CR2: variants seen among roughly 807,000 people sequenced by gnomAD.
CR2 encodes the protein complement receptor type 2.
A neutral mutation model predicts 123.0 loss-of-function variants in CR2; 96 were observed. The observed-to-expected ratio is 0.78, with a 90% CI of 0.66 to 0.93. The LOEUF (loss-of-function observed/expected upper bound fraction) is 0.93. Ranked by LOEUF, CR2 falls within the 40% of genes least tolerant of loss-of-function variation. The pLI, the probability that CR2 is intolerant of heterozygous loss-of-function variation, is 0.00. For missense variants in CR2, 1,258 were observed against 1,361.0 expected, an observed-to-expected ratio of 0.92 and a Z score of 1.19; for synonymous variants, 484 against 469.5, an observed-to-expected ratio of 1.03 and a Z score of -0.40.
chr1:207,477,168 A>T (rs1434931804), intron 15 of CR2, among the ~76,000 whole-genome samples: 2 of 152,234 alleles, frequency 1.3e-5, no homozygotes, highest in Non-Finnish European at 2.9e-5. Flanking sequence ...AAGGAAAGAG[A>T]TTTAATGGAC....
chr1:207,482,906 G>A (rs1266995570), intron 18 of CR2, among the ~76,000 whole-genome samples: 2 of 151,354 alleles, frequency 1.3e-5, no homozygotes, highest in Non-Finnish European at 2.9e-5. Flanking sequence ...GTGTGTGTGT[G>A]ATGGTGATTG....
intron 3 of CR2, 42 bp downstream of exon 3, chr1:207,468,757 C>T: frequency 6.2e-7 from 1 of 1,613,692 alleles, no homozygotes; most frequent in Non-Finnish European, 8.5e-7. Context: ...CTGGGCTGTT[C>T]TGTTATTTGC....
intron 5 of CR2, 24 bp from the exon 6 acceptor site, chr1:207,469,671 C>T (rs373107993): frequency 3.1e-6 from 5 of 1,609,462 alleles, no homozygotes; most frequent in Non-Finnish European, 4.3e-6. Flanking sequence ...ATGATCTTGT[C>T]ATTTCTTTCT....
At chr1:207,486,737 T>A (rs951480409) in intron 19 of CR2, among the ~76,000 whole-genome samples, 41 of 152,186 alleles carry the variant, frequency 2.7e-4, no homozygotes, top group African/African-American at 9.7e-4. Context: ...GTGGATAGTT[T>A]GTATCAGAAT....
chr1:207,475,593 G>T (rs1658414763), intron 14 of CR2, among the ~76,000 whole-genome samples: 1 of 152,180 alleles, frequency 6.6e-6, no homozygotes, highest in Non-Finnish European at 1.5e-5. Flanking sequence ...AGAACTTTGG[G>T]TGTTCTGGAG....
At chr1:207,457,113 C>G (rs1572944321) in intron 1 of CR2, among the ~76,000 whole-genome samples, 1 of 152,140 alleles carries the variant, frequency 6.6e-6, no homozygotes, top group African/African-American at 2.4e-5. Flanking sequence ...ATTTATGTAC[C>G]TGTTTGTTGT....
chr1:207,461,248 C>T (rs1169781780), intron 1 of CR2, among the ~76,000 whole-genome samples: 1 of 152,088 alleles, frequency 6.6e-6, no homozygotes, highest in African/African-American at 2.4e-5. Context: ...CATGCCTTTC[C>T]TGTTTTCCCC....
chr1:207,480,975 A>C (rs1398154452), intron 18 of CR2, among the ~76,000 whole-genome samples: 1 of 152,016 alleles, frequency 6.6e-6, no homozygotes, highest in Non-Finnish European at 1.5e-5. Flanking sequence ...AGAAATTGGC[A>C]TCTTTTCTGT....
chr1:207,478,542 A>G (rs1028634699), intron 16 of CR2, among the ~76,000 whole-genome samples: 18 of 150,134 alleles, frequency 1.2e-4, no homozygotes, highest in Non-Finnish European at 1.9e-4. Flanking sequence ...AAAAAAAAAA[A>G]AAAAAGAAAG....
At chr1:207,478,099 G>A in intron 16 of CR2, 29 bp downstream of exon 16, 1 of 1,607,282 alleles carries the variant, frequency 6.2e-7, no homozygotes, top group East Asian at 2.2e-5. Context: ...ACCGCCGCTT[G>A]TAACTGGCTA....
chr1:207,480,215 A>G (rs1658566986), intron 18 of CR2, among the ~76,000 whole-genome samples, 162 bp downstream of exon 18: 3 of 152,216 alleles, frequency 2.0e-5, no homozygotes, highest in Admixed American at 2.0e-4. Context: ...TTTCTGTAGG[A>G]CTTAAGAGAT....
chr1:207,483,179 A>T (rs1023471607), intron 18 of CR2, among the ~76,000 whole-genome samples: 10 of 152,162 alleles, frequency 6.6e-5, no homozygotes, highest in African/African-American at 2.4e-4. Context: ...TGACCAAGTC[A>T]TGCCACCTAA....
chr1:207,468,736 A>G (rs1658177759), intron 3 of CR2, 21 bp downstream of exon 3: 1 of 1,613,890 alleles, frequency 6.2e-7, no homozygotes, highest in Admixed American at 1.7e-5. Flanking sequence ...TTTACAATCT[A>G]TTTTAAGAAT....
At chr1:207,479,369 A>G in intron 17 of CR2, 89 bp downstream of exon 17, 2 of 886,084 alleles carry the variant, frequency 2.3e-6, no homozygotes, top group Non-Finnish European at 3.6e-6. Context: ...ATCTGATGAT[A>G]TATTTAACTC....
At chr1:207,455,983 T>A (rs748298557) in intron 1 of CR2, among the ~76,000 whole-genome samples, 4 of 152,208 alleles carry the variant, frequency 2.6e-5, no homozygotes, top group Admixed American at 6.5e-5. Context: ...CTCATCTCTT[T>A]TAAGAGATTT....
At position 207,470,803 on chromosome 1, in the gene CR2, A is replaced by C. The variant is rs1189695445; in HGVS notation, c.1289A>C (p.Asp430Ala). Reference sequence around the variant, plus strand: ...GAAGATAGACACATGGTCCGCTTTGACCCTGGAACATCTATAAAATATAGC... The same window carrying C: ...GAAGATAGACACATGGTCCGCTTTGCCCCTGGAACATCTATAAAATATAGC... ...QKEDRHMVRF[D>A]PGTSIKYSCN... Residue 430 changes from aspartate (D) to alanine (A), a missense_variant, in exon 7 of 20, where the codon GAC (aspartate) becomes GCC (alanine). Physicochemically the swap from Asp to Ala is moderately radical, Grantham distance 126 (BLOSUM62 -2). Transcript: ENST00000367057. 1.2e-6 allele frequency: 2 copies of C among 1,613,828 alleles called. No homozygotes were observed. The highest frequency in any genetic ancestry group is 1.7e-6 in the Non-Finnish European group (2 of 1,179,868).
At chr1:207,459,029 T>C (rs895453755) in intron 1 of CR2, among the ~76,000 whole-genome samples, 1 of 152,128 alleles carries the variant, frequency 6.6e-6, no homozygotes, top group African/African-American at 2.4e-5. Context: ...TGATTATGAA[T>C]TGTGTGTATA....
At chr1:207,470,717 T>A in intron 6 of CR2, 23 bp from the exon 7 acceptor site, 1 of 1,612,498 alleles carries the variant, frequency 6.2e-7, no homozygotes, top group Non-Finnish European at 8.5e-7. Flanking sequence ...GCAGTTATGT[T>A]TTGTTTTTGT....
chr1:207,468,769 A>G, intron 3 of CR2, 31 bp from the exon 4 acceptor site: 1 of 1,613,798 alleles, frequency 6.2e-7, no homozygotes, highest in Non-Finnish European at 8.5e-7. Context: ...GTTATTTGCC[A>G]TGCATTTCTC....
Sources: allele counts gnomAD v4.1 joint callset (sites outside exome capture counted in the v4.1 genomes callset), GRCh38; gene constraint gnomAD v4.1.1; transcripts MANE v1.5; gene names NCBI Gene and HGNC (gene_info 2026-07-23, HGNC 2026-07-21).